MADCAM1: variants seen among roughly 807,000 people sequenced by gnomAD.
The protein encoded by MADCAM1 is mucosal vascular addressin cell adhesion molecule 1, also known as mucosal addressin cell adhesion molecule 1.
MADCAM1 carries 19 observed loss-of-function variants against 26.1 expected under a neutral mutation model. The observed-to-expected ratio is 0.73, with a 90% confidence interval of 0.51 to 1.07. MADCAM1 has a LOEUF of 1.07. Ranked by LOEUF, MADCAM1 falls within the 50% of genes least tolerant of loss-of-function variation. MADCAM1 has a pLI of 0.00. For synonymous variants in MADCAM1, 268 were observed against 260.9 expected, an observed-to-expected ratio of 1.03 and a Z score of -0.26; for missense variants, 514 against 542.1, an observed-to-expected ratio of 0.95 and a Z score of 0.51.
chr19:498,627 G>T lies in MADCAM1; in HGVS notation c.469G>T (p.Glu157Ter), dbSNP rs199633806. Residue 157 changes from glutamate to a stop codon, truncating the protein, a stop_gained, in exon 3 of 5, where the codon GAA becomes TAA. Coordinates refer to ENST00000215637, the MANE Select transcript of MADCAM1 (RefSeq NM_130760.3). LOFTEE classifies it high-confidence loss of function. ...LSFSLLVGGQELEGAQALGPE... is the reference protein window; with the variant it reads ...LSFSLLVGGQ The stretch of plus-strand genomic sequence containing the variant: ...CTTCTCCCTGCTCGTCGGGGGCCAG[G>T]AACTGGAGGGGGCGCAAGCCCTGGG... The T allele has an allele frequency of 1.8e-4, 262 of 1,473,040 alleles. No individual in the cohort carries two copies. The highest frequency in any genetic ancestry group is 2.3e-4 in the Non-Finnish European group (257 of 1,117,780). 91.2% of individuals were successfully genotyped at this position (1,473,040 alleles called of 1,614,324 possible).
rs144148007 is a variant in MADCAM1 at position 502,494 on chromosome 19, G to A, written c.928+565G>A. ...TTTTTGTATTTTTAGTAGAGATGCGGTTTCACCATGTTGACCACGCTGGTC... is the reference window on the plus strand; with the variant it reads ...TTTTTGTATTTTTAGTAGAGATGCGATTTCACCATGTTGACCACGCTGGTC... On this transcript the variant is annotated intron_variant, in intron 4 of 4. Transcript: ENST00000215637. 3.6e-3 allele frequency among the ~76,000 whole-genome samples: 551 copies of A among 152,064 alleles called. 1 individual carries two copies. The highest frequency in any genetic ancestry group is 0.013 in the African/African-American group (529 of 41,472).
Position 496,510 on chromosome 19 carries a change from G to T in MADCAM1, c.11G>T (p.Gly4Val), listed in dbSNP as rs1381972708. 3 of 1,309,692 alleles carry T rather than the reference G, an allele frequency of 2.3e-6. No homozygotes were observed. Among genetic ancestry groups the T allele is most frequent in the African/African-American group, 1.5e-5 (1 of 65,386 alleles). The allele number at this position is 1,309,692 out of a possible 1,614,324, so 81.1% of individuals were successfully genotyped here. ...CAGAGGGGACTGAGCATGGATTTCG[G>T]ACTGGCCCTCCTGCTGGCGGGGCTT... MDF[G>V]LALLLAGLLG... Residue 4 changes from glycine (G) to valine (V), a missense_variant, in exon 1 of 5, where the codon GGA becomes GTA. Physicochemically the swap from Gly to Val is moderately radical, Grantham distance 109. Transcript: ENST00000215637.
chr19:501,508 AAAAAAAAAAGAAT>A (rs1473416271), intron 3 of MADCAM1, 148 bp from the exon 4 acceptor site: 1 of 355,752 alleles, frequency 2.8e-6, no homozygotes, highest in Non-Finnish European at 4.7e-6. Context: ...AAAAAAAAAA[AAAAAAAAAAGAAT>A]AAATGGAAAT....
rs1468135895 is a variant in MADCAM1, at chr19:497,984, C to T, written c.204C>T (p.Gly68=). ...GGCGGGGCCTGGACACCAGCCTGGGCGCGGTGCAGTCGGACACGGGCCGCA... is the reference window on the plus strand; with the variant it reads ...GGCGGGGCCTGGACACCAGCCTGGGTGCGGTGCAGTCGGACACGGGCCGCA... The part of the protein sequence containing the change: ...VQWRGLDTSL[G]AVQSDTGRSV... Residue 68 remains glycine (G), a synonymous_variant, in exon 2 of 5, where the codon GGC becomes GGT. Transcript: ENST00000215637. 2 of 1,498,796 alleles carry T rather than the reference C, an allele frequency of 1.3e-6. No homozygotes were observed. The highest frequency in any genetic ancestry group is 2.1e-5 in the Admixed American group (1 of 47,326). The allele number at this position is 1,498,796 out of a possible 1,614,324, so 92.8% of individuals were successfully genotyped here.
rs1420165727 is a variant in MADCAM1, at chr19:501,883, G to T, written c.882G>T (p.Glu294Asp). The T allele has an allele frequency of 6.6e-7, 1 of 1,512,176 alleles. No individual in the cohort carries two copies. The highest frequency in any genetic ancestry group is 1.2e-5 in the South Asian group (1 of 83,810). The allele number at this position is 1,512,176 out of a possible 1,614,324, so 93.7% of individuals were successfully genotyped here. Reference sequence around the variant, plus strand: ...GCTCCACCAGGACTCGCCGCCCTGAGATCTCCCAGGCTGGGCCCACGCAGG... The same window carrying T: ...GCTCCACCAGGACTCGCCGCCCTGATATCTCCCAGGCTGGGCCCACGCAGG... The part of the protein sequence containing the change: ...SPGSTRTRRP[E>D]ISQAGPTQGE... Residue 294 changes from glutamate (E) to aspartate (D), a missense_variant, in exon 4 of 5, where the codon GAG (glutamate) becomes GAT (aspartate). Physicochemically the swap from Glu to Asp is conservative, Grantham distance 45 (BLOSUM62 2). Around this residue, in one of 3 missense-constraint regions of MADCAM1, gnomAD observed 152 missense variants for 136.7 expected, o/e 1.11. Transcript: ENST00000215637.
intron 4 of MADCAM1, among the ~76,000 whole-genome samples, chr19:503,390 G>A (rs1225809159): frequency 6.6e-6 from 1 of 151,264 alleles, no homozygotes; most frequent in East Asian, 2.0e-4. Context: ...GACCATCCTG[G>A]CTAACACGGT....
Position 504,074 on chromosome 19 carries a change from G to A in MADCAM1, c.929-671G>A, listed in dbSNP as rs116403872. On this transcript the variant is annotated intron_variant, in intron 4 of 4. Transcript: ENST00000215637. Reference sequence around the variant, plus strand: ...CATTTCGAAAAAAAAAAAAAAGTGTGGTCATACATTTCGCAGAGCCCAATA... The same window carrying A: ...CATTTCGAAAAAAAAAAAAAAGTGTAGTCATACATTTCGCAGAGCCCAATA... 5.8e-3 allele frequency among the ~76,000 whole-genome samples: 873 copies of A among 151,174 alleles called. 10 individuals are homozygous for A. Among genetic ancestry groups the A allele is most frequent in the African/African-American group, 0.02 (828 of 41,236 alleles).
chr19:500,806 G>C (rs1015651613), intron 3 of MADCAM1, among the ~76,000 whole-genome samples: 4 of 151,722 alleles, frequency 2.6e-5, no homozygotes, highest in African/African-American at 9.7e-5. Context: ...GGAGGCGGAG[G>C]TTGCAGTGAG....
At chr19:504,258 T>A (rs1035753385) in intron 4 of MADCAM1, among the ~76,000 whole-genome samples, 2,431 of 127,164 alleles carry the variant, frequency 0.019, 167 homozygotes, top group African/African-American at 0.064. Context: ...GTCTGCCCTT[T>A]TTTTTTTTTT....
rs1385782383 is a variant in MADCAM1 at position 505,029 on chromosome 19, A to G, written c.*64A>G. 3.3e-6 allele frequency: 4 copies of G among 1,214,768 alleles called. No individual in the cohort carries two copies. The highest frequency in any genetic ancestry group is 3.4e-6 in the Non-Finnish European group (3 of 880,738). 75.2% of individuals were successfully genotyped at this position (1,214,768 alleles called of 1,614,324 possible). ...GACCCCTTCAAGTTGAGAACTGGTC[A>G]GGGCAAACCTGCCTCCCATTCTACT... On this transcript the variant is annotated 3_prime_UTR_variant, in exon 5 of 5. Transcript: ENST00000215637.
Position 498,128 on chromosome 19 carries a change from C to A in MADCAM1, c.337+11C>A, listed in dbSNP as rs891855389. On this transcript the variant is annotated intron_variant, in intron 2 of 4. Transcript: ENST00000215637. ...AGCTCCTTGTGTACGGTGAGGCGTCCCCCCGCGCCCTGCCTCTCTGACCCT... is the reference window on the plus strand; with the variant it reads ...AGCTCCTTGTGTACGGTGAGGCGTCACCCCGCGCCCTGCCTCTCTGACCCT... The A allele has an allele frequency of 2.3e-6, 3 of 1,313,696 alleles. No homozygotes were observed. The highest frequency in any genetic ancestry group is 3.9e-5 in the Admixed American group (1 of 25,356). The allele number at this position is 1,313,696 out of a possible 1,614,324, so 81.4% of individuals were successfully genotyped here. A position where few individuals can be genotyped will look rare whatever the true frequency, so the allele number is the denominator to read the frequency against.
At chr19:497,693 C>A in intron 1 of MADCAM1, 140 bp from the exon 2 acceptor site, 1 of 613,874 alleles carries the variant, frequency 1.6e-6, no homozygotes, top group Non-Finnish European at 2.3e-6. Flanking sequence ...AGCGGCGGGG[C>A]AGGGGTCCGG....
rs1249739015 is a variant in MADCAM1, at chr19:498,544, A to C, written c.386A>C (p.Asp129Ala). The C allele has an allele frequency of 2.7e-6, 4 of 1,469,968 alleles. No homozygotes were observed. Among genetic ancestry groups the C allele is most frequent in the Non-Finnish European group, 3.6e-6 (4 of 1,115,852 alleles). 91.1% of individuals were successfully genotyped at this position (1,469,968 alleles called of 1,614,324 possible). A position where few individuals can be genotyped will look rare whatever the true frequency, so the allele number is the denominator to read the frequency against. Residue 129 changes from aspartate (D) to alanine (A), a missense_variant, in exon 3 of 5, where the codon GAC (aspartate) becomes GCC (alanine). Coordinates refer to ENST00000215637, the MANE Select transcript of MADCAM1 (RefSeq NM_130760.3). ...TVSPAALVPG[D>A]PEVACTAHKV... ...TCCCCAGCAGCCCTGGTGCCTGGTG[A>C]CCCGGAGGTGGCCTGTACGGCCCAC...
At position 497,925 on chromosome 19, in the gene MADCAM1, C is replaced by T; in HGVS notation, c.145C>T (p.Leu49=). ...LGASRQLTCR[L]ACADRGASVQ... ...CGCCTCGCGCCAGCTCACCTGCCGC[C>T]TGGCCTGCGCGGACCGCGGGGCCTC... The change falls in exon 2 of 5, where the codon CTG becomes TTG. Residue 49 remains leucine, a synonymous_variant. Transcript: ENST00000215637. 7.1e-7 allele frequency: 1 copy of T among 1,402,464 alleles called. No homozygotes were observed. The highest frequency in any genetic ancestry group is 9.2e-7 in the Non-Finnish European group (1 of 1,085,380). The allele number at this position is 1,402,464 out of a possible 1,614,324, so 86.9% of individuals were successfully genotyped here. A position where few individuals can be genotyped will look rare whatever the true frequency, so the allele number is the denominator to read the frequency against.
At chr19:498,887 C>CG in intron 3 of MADCAM1, 62 bp downstream of exon 3, 1 of 73,932 alleles carries the variant, frequency 1.4e-5, no homozygotes. Flanking sequence ...CACTTCGGGA[C>CG]GGGGTGGGGG....
At chr19:504,630 T>C in intron 4 of MADCAM1, 115 bp from the exon 5 acceptor site, 1 of 723,840 alleles carries the variant, frequency 1.4e-6, no homozygotes, top group South Asian at 1.8e-5. Flanking sequence ...CTTTGTGAAA[T>C]TTCAGGGAAC....
rs1568318027 is a variant in MADCAM1 at position 501,783 on chromosome 19, C to T, written c.782C>T (p.Ser261Phe). 6.3e-7 allele frequency: 1 copy of T among 1,576,334 alleles called. No individual in the cohort carries two copies. The highest frequency in any genetic ancestry group is 2.4e-5 in the East Asian group (1 of 41,812). Residue 261 changes from serine (S) to phenylalanine (F), a missense_variant, in exon 4 of 5, where the codon TCC (serine) becomes TTC (phenylalanine). Physicochemically the swap from Ser to Phe is radical, Grantham distance 155 (BLOSUM62 -2). Coordinates refer to ENST00000215637, the MANE Select transcript of MADCAM1 (RefSeq NM_130760.3). ...TTSQEPPDTTSPEPPDKTSPE... is the reference protein window; with the variant it reads ...TTSQEPPDTTFPEPPDKTSPE... Reference sequence around the variant, plus strand: ...TCCCAGGAGCCTCCCGACACCACCTCCCCGGAGCCTCCCGACAAGACCTCC... The same window carrying T: ...TCCCAGGAGCCTCCCGACACCACCTTCCCGGAGCCTCCCGACAAGACCTCC...
At chr19:503,389 G>A (rs992046977) in intron 4 of MADCAM1, among the ~76,000 whole-genome samples, 4 of 151,484 alleles carry the variant, frequency 2.6e-5, no homozygotes, top group South Asian at 2.1e-4. Context: ...AGACCATCCT[G>A]GCTAACACGG....
At chr19:504,284 G>C (rs1978505018) in intron 4 of MADCAM1, among the ~76,000 whole-genome samples, 3 of 108,034 alleles carry the variant, frequency 2.8e-5, no homozygotes, top group African/African-American at 3.5e-5. Context: ...TTTTTTGAGA[G>C]ACAGAGTCTC....
Sources: allele counts gnomAD v4.1 joint callset (sites outside exome capture counted in the v4.1 genomes callset), GRCh38; gene constraint gnomAD v4.1.1; regional missense constraint gnomAD v4.1.1; transcripts MANE v1.5; gene names NCBI Gene and HGNC (gene_info 2026-07-23, HGNC 2026-07-21).